EYS: variants seen among roughly 807,000 people sequenced by gnomAD.
EYS encodes the protein EGF-like photoreceptor maintenance factor, also known as protein eyes shut homolog.
In EYS, 250 loss-of-function variants were observed where a neutral mutation model predicts 282.1. That is an observed-to-expected ratio of 0.89 (90% CI 0.80 to 0.98). EYS has a LOEUF of 0.98. Ranked by LOEUF, EYS falls within the 50% of genes least tolerant of loss-of-function variation. The pLI is 0.00. For missense variants in EYS, 4,016 were observed against 3,709.0 expected (o/e 1.08, Z -2.15); for synonymous variants, 1,355 against 1,282.9 (o/e 1.06, Z -1.20).
At chr6:63,933,177 G>A (rs1039488990) in intron 35 of EYS, among the ~76,000 whole-genome samples, 14 of 152,066 alleles carry the variant, frequency 9.2e-5, no homozygotes, top group African/African-American at 2.9e-4. Context: ...TCAATGATCT[G>A]GAAGCCCTCT....
At chr6:64,557,340 A>C (rs1157714796) in intron 26 of EYS, among the ~76,000 whole-genome samples, 3 of 151,932 alleles carry the variant, frequency 2.0e-5, no homozygotes, top group African/African-American at 7.2e-5. Flanking sequence ...GACTGGGCAT[A>C]TTTGTATATT....
At chr6:64,554,451 C>T (rs1423067269) in intron 26 of EYS, among the ~76,000 whole-genome samples, 1 of 151,870 alleles carries the variant, frequency 6.6e-6, no homozygotes, top group Non-Finnish European at 1.5e-5. Flanking sequence ...TGCTGAATAA[C>T]AATGACAAAT....
intron 7 of EYS, among the ~76,000 whole-genome samples, chr6:65,388,661 G>C (rs923919104): frequency 6.6e-5 from 10 of 151,996 alleles, no homozygotes; most frequent in African/African-American, 2.2e-4. Context: ...AGAGAGATAG[G>C]CAGGAGGAAA....
At chr6:64,564,685 GA>G (rs1490664203) in intron 26 of EYS, among the ~76,000 whole-genome samples, 1 of 150,632 alleles carries the variant, frequency 6.6e-6, no homozygotes, top group African/African-American at 2.4e-5. Context: ...ACTGACACAG[GA>G]ACAGAAAACC....
At chr6:65,379,983 GA>G (rs775198162) in intron 8 of EYS, among the ~76,000 whole-genome samples, 1 of 151,714 alleles carries the variant, frequency 6.6e-6, no homozygotes, top group South Asian at 2.1e-4. Context: ...CAAACAAATG[GA>G]AAAAAACATT....
At chr6:64,037,961 C>T (rs1299517078) in intron 33 of EYS, among the ~76,000 whole-genome samples, 1 of 152,120 alleles carries the variant, frequency 6.6e-6, no homozygotes, top group Non-Finnish European at 1.5e-5. Flanking sequence ...GGTAAAGTTT[C>T]AATTTATCTG....
In EYS at chr6:64,499,094, C is replaced by T. The variant is rs568369921; in HGVS notation, c.5645-59742G>A. On this transcript the variant is annotated intron_variant, in intron 26 of 42. Transcript: ENST00000503581. ...CTCCCACCAACAATGTAAAAACATT[C>T]GTATTTCTCCACATCTTTGCCAGCA... is the stretch of plus-strand genomic sequence containing the variant. Among the ~76,000 whole-genome samples, 3 of 152,248 alleles carry T rather than the reference C, an allele frequency of 2.0e-5. No individual in the cohort carries two copies. The South Asian group carries it at 6.2e-4, about 32-fold the overall frequency.
intron 2 of EYS, among the ~76,000 whole-genome samples, chr6:65,510,759 A>G (rs1376045196): frequency 6.6e-6 from 1 of 152,194 alleles, no homozygotes; most frequent in African/African-American, 2.4e-5. Context: ...ATTCATTTAG[A>G]TGTATCAAAA....
chr6:65,335,223 C>A, intron 10 of EYS, 77 bp from the exon 11 acceptor site: 1 of 1,026,812 alleles, frequency 9.7e-7, no homozygotes, highest in South Asian at 1.3e-5. Context: ...CCTGAGAGAT[C>A]ATGATAGATG....
At chr6:65,229,076 A>T (rs1766702357) in intron 12 of EYS, among the ~76,000 whole-genome samples, 1 of 152,034 alleles carries the variant, frequency 6.6e-6, no homozygotes, top group South Asian at 2.1e-4. Flanking sequence ...GACAAAATTG[A>T]GCAAAGAAAC....
chr6:65,557,862 A>G (rs1768879772), intron 2 of EYS, among the ~76,000 whole-genome samples: 1 of 152,082 alleles, frequency 6.6e-6, no homozygotes, highest in East Asian at 1.9e-4. Context: ...TGTGTAGAGG[A>G]GACCCGAAGT....
chr6:63,997,821 G>A (rs1025684462), intron 34 of EYS, among the ~76,000 whole-genome samples: 6 of 152,114 alleles, frequency 3.9e-5, no homozygotes. Flanking sequence ...GAAGTTGGTA[G>A]CATATTTTAT....
At chr6:65,516,094 A>T (rs1767123007) in intron 2 of EYS, among the ~76,000 whole-genome samples, 1 of 152,008 alleles carries the variant, frequency 6.6e-6, no homozygotes, top group Non-Finnish European at 1.5e-5. Flanking sequence ...AAAAGAAGGA[A>T]GGAAAGAAAT....
intron 33 of EYS, among the ~76,000 whole-genome samples, chr6:64,036,466 G>A (rs1770126794): frequency 6.6e-6 from 1 of 152,178 alleles, no homozygotes; most frequent in Admixed American, 6.5e-5. Context: ...GAATACTATA[G>A]AAGAGTTATT....
chr6:65,629,947 C>A (rs1766855265), intron 2 of EYS, among the ~76,000 whole-genome samples: 1 of 152,178 alleles, frequency 6.6e-6, no homozygotes, highest in African/African-American at 2.4e-5. Context: ...CAAATTCCCT[C>A]TTTAAGTGAA....
intron 26 of EYS, among the ~76,000 whole-genome samples, chr6:64,529,866 G>A (rs1162374336): frequency 2.0e-5 from 3 of 152,020 alleles, no homozygotes; most frequent in African/African-American, 4.8e-5. Flanking sequence ...TGAAGATGGA[G>A]AAATAAATTC....
In EYS at chr6:64,304,731, T is replaced by G. The variant is rs189592315; in HGVS notation, c.6191+2239A>C. 2.0e-3 allele frequency among the ~76,000 whole-genome samples: 298 copies of G among 152,306 alleles called. 1 individual carries two copies. The highest frequency in any genetic ancestry group is 3.1e-3 in the Admixed American group (47 of 15,304). On this transcript the variant is annotated intron_variant, in intron 30 of 42. Coordinates refer to ENST00000503581, the MANE Select transcript of EYS (RefSeq NM_001142800.2). The stretch of plus-strand genomic sequence containing the variant: ...AAAAACAGAAGTAAAACCAGAAAAT[T>G]TATAAATTTGTGGAAACTGAACAAC...
intron 22 of EYS, among the ~76,000 whole-genome samples, chr6:64,779,919 C>T (rs569513737): frequency 3.8e-4 from 58 of 152,296 alleles, no homozygotes; most frequent in African/African-American, 1.4e-3. Flanking sequence ...GATCACCTCT[C>T]TCCAAGGGCC....
At chr6:65,298,649 A>G (rs918316416) in intron 11 of EYS, among the ~76,000 whole-genome samples, 12 of 151,756 alleles carry the variant, frequency 7.9e-5, no homozygotes, top group Non-Finnish European at 1.6e-4. Context: ...GACACAACTT[A>G]GGCACATTCC....
Sources: allele counts gnomAD v4.1 joint callset (sites outside exome capture counted in the v4.1 genomes callset), GRCh38; gene constraint gnomAD v4.1.1; transcripts MANE v1.5; gene names NCBI Gene and HGNC (gene_info 2026-07-23, HGNC 2026-07-21).